Variants in KCNK2 observed in about 807,000 individuals in gnomAD.
KCNK2 encodes the protein potassium two pore domain channel subfamily K member 2, also known as potassium channel subfamily K member 2.
In KCNK2, 21 loss-of-function variants were observed where a neutral mutation model predicts 40.5. The ratio of observed to expected loss-of-function variants is 0.52; its 90% confidence interval spans 0.37 to 0.75. The LOEUF (loss-of-function observed/expected upper bound fraction) is 0.75, where lower values mean the gene tolerates loss of function less well. Ranked by LOEUF, KCNK2 falls within the 30% of genes least tolerant of loss-of-function variation. KCNK2 has a pLI of 0.00. For missense variants in KCNK2, 399 were observed against 531.6 expected, an observed-to-expected ratio of 0.75 and a Z score of 2.45; for synonymous variants, 191 against 202.2, an observed-to-expected ratio of 0.94 and a Z score of 0.47.
At chr1:215,191,238 T>A (rs1664651697) in intron 5 of KCNK2, among the ~76,000 whole-genome samples, 1 of 150,164 alleles carries the variant, frequency 6.7e-6, no homozygotes, top group Admixed American at 6.7e-5. Flanking sequence ...TGAGCCGAAA[T>A]GCACCACTGC....
chr1:215,066,701 G>GA lies in KCNK2; in HGVS notation c.35-19663dup, dbSNP rs201006710. Among the ~76,000 whole-genome samples, 473 of 152,264 alleles carry GA rather than the reference G, an allele frequency of 3.1e-3. 1 individual carries two copies. Among genetic ancestry groups the GA allele is most frequent in the African/African-American group, 0.011 (450 of 41,542 alleles). On this transcript the variant is annotated intron_variant, in intron 1 of 6. Transcript: ENST00000391895. ...GCTGACCAAGGTAGTCTGATAGTGT[G>GA]AAAATGTGTGAAAAGGACTCTGCCC... is the stretch of plus-strand genomic sequence containing the variant.
chr1:215,013,730 G>A (rs1219658581), intron 1 of KCNK2, among the ~76,000 whole-genome samples: 2 of 152,052 alleles, frequency 1.3e-5, no homozygotes, highest in East Asian at 3.9e-4. Flanking sequence ...TTCATTGCTA[G>A]TATATAAATA....
intron 5 of KCNK2, among the ~76,000 whole-genome samples, chr1:215,179,908 ACTT>A (rs1179841089): frequency 2.0e-5 from 3 of 151,752 alleles, no homozygotes; most frequent in Non-Finnish European, 4.4e-5. Flanking sequence ...TAAGCCCAGA[ACTT>A]CTTAGTTTTC....
chr1:215,229,084 C>T (rs1249229780), intron 6 of KCNK2, among the ~76,000 whole-genome samples: 1 of 151,978 alleles, frequency 6.6e-6, no homozygotes, highest in East Asian at 1.9e-4. Context: ...AGCTCATCAG[C>T]TATCATTAGT....
chr1:215,181,701 A>AGC lies in KCNK2; in HGVS notation c.823+9518_823+9519insGC, dbSNP rs1218441117. On this transcript the variant is annotated intron_variant, in intron 5 of 6. Transcript: ENST00000444842. ...TTATCTTGAGCTATGCTGTCAACTT[A>AGC]TAAGCCAGTAGATGGCACTTATGGG... Among the ~76,000 whole-genome samples, 14 of 152,312 alleles carry AGC rather than the reference A, an allele frequency of 9.2e-5. No homozygotes were observed. The East Asian group carries it at 2.7e-3, about 29-fold the overall frequency.
Position 215,129,734 on chromosome 1 carries a change from A to G in KCNK2, c.475+4984A>G, listed in dbSNP as rs576726140. ...GAGAAAGAAGTGAGGTTAGAGAGAT[A>G]AGAGGCAGCAAGATCATGTAGGACT... On this transcript the variant is annotated intron_variant, in intron 3 of 6. Transcript: ENST00000444842. Among the ~76,000 whole-genome samples, 4 of 152,248 alleles carry G rather than the reference A, an allele frequency of 2.6e-5. No homozygotes were observed. In the East Asian group the frequency reaches 7.7e-4, roughly 29 times the overall value.
intron 5 of KCNK2, among the ~76,000 whole-genome samples, chr1:215,188,864 G>A (rs10494994): frequency 0.17 from 26,438 of 152,046 alleles, 2,879 homozygotes; most frequent in South Asian, 0.45. Context: ...GTGACTGCTA[G>A]GGAGATGTTT....
At chr1:215,046,414 G>C (rs1657771103) in intron 1 of KCNK2, among the ~76,000 whole-genome samples, 1 of 149,682 alleles carries the variant, frequency 6.7e-6, no homozygotes. Flanking sequence ...GACTATATTT[G>C]ACTAAGGTCA....
intron 2 of KCNK2, among the ~76,000 whole-genome samples, chr1:215,111,222 T>A (rs1187003672): frequency 6.6e-6 from 1 of 152,118 alleles, no homozygotes; most frequent in Non-Finnish European, 1.5e-5. Context: ...TATTTCTTTT[T>A]CTTGCCAAGT....
chr1:215,225,076 T>A (rs2102704675), intron 6 of KCNK2, among the ~76,000 whole-genome samples: 1 of 152,276 alleles, frequency 6.6e-6, no homozygotes, highest in African/African-American at 2.4e-5. Context: ...CTTAAATAAC[T>A]TTTTACCTCA....
intron 1 of KCNK2, among the ~76,000 whole-genome samples, chr1:215,006,196 G>C (rs1656122037): frequency 6.6e-6 from 1 of 152,128 alleles, no homozygotes; most frequent in Admixed American, 6.6e-5. Context: ...TGTTACATCA[G>C]GCTTTTATTT....
At chr1:215,118,046 G>A (rs1390823465) in intron 2 of KCNK2, among the ~76,000 whole-genome samples, 3 of 152,124 alleles carry the variant, frequency 2.0e-5, no homozygotes, top group African/African-American at 7.2e-5. Flanking sequence ...GGATAATCCA[G>A]TGTGGTTCCT....
At chr1:215,167,726 C>T (rs1188852795) in intron 3 of KCNK2, among the ~76,000 whole-genome samples, 1 of 152,038 alleles carries the variant, frequency 6.6e-6, no homozygotes, top group African/African-American at 2.4e-5. Context: ...TATCTGAATA[C>T]TCTCGAATTA....
At chr1:215,128,361 T>C (rs989753838) in intron 3 of KCNK2, among the ~76,000 whole-genome samples, 7 of 152,200 alleles carry the variant, frequency 4.6e-5, no homozygotes, top group Admixed American at 3.3e-4. Flanking sequence ...CTCAGAATCA[T>C]TTTAATCAGT....
chr1:215,007,037 ATGTGTGTGTG>A (rs1214318973), intron 1 of KCNK2, among the ~76,000 whole-genome samples: 3 of 51,590 alleles, frequency 5.8e-5, no homozygotes, highest in African/African-American at 1.2e-4. Flanking sequence ...ATATATATAT[ATGTGTGTGTG>A]TGTATATATA....
At chr1:215,081,665 C>G, upstream of KCNK2, 1 of 151,876 alleles carries the variant, frequency 6.6e-6, no homozygotes, top group East Asian at 1.9e-4. Flanking sequence ...GGCCGAGCAG[C>G]AGTTATGGAA....
chr1:215,030,977 C>A (rs1221968423), intron 1 of KCNK2, among the ~76,000 whole-genome samples: 2 of 152,230 alleles, frequency 1.3e-5, no homozygotes, highest in Non-Finnish European at 2.9e-5. Context: ...ACTCAGTTGT[C>A]CAGCATCATT....
chr1:215,225,374 C>T (rs538892958), intron 6 of KCNK2, among the ~76,000 whole-genome samples: 3 of 152,242 alleles, frequency 2.0e-5, no homozygotes, highest in African/African-American at 7.2e-5. Context: ...AAATATGGCT[C>T]AAAGAATATC....
chr1:215,091,023 A>T (rs778181263), intron 2 of KCNK2, among the ~76,000 whole-genome samples: 63 of 152,302 alleles, frequency 4.1e-4, no homozygotes, highest in Non-Finnish European at 2.1e-4. Context: ...TTCTTCCTAC[A>T]TGTCAATCAA....
Sources: allele counts gnomAD v4.1 joint callset (sites outside exome capture counted in the v4.1 genomes callset), GRCh38; gene constraint gnomAD v4.1.1; transcripts MANE v1.5; gene names NCBI Gene and HGNC (gene_info 2026-07-23, HGNC 2026-07-21).